Variants in MYH11 observed in about 807,000 individuals in gnomAD.
MYH11 encodes myosin-11.
A neutral mutation model predicts 246.6 loss-of-function variants in MYH11; 80 were observed. That is an observed-to-expected ratio of 0.32 (90% CI 0.27 to 0.39). The LOEUF (loss-of-function observed/expected upper bound fraction) is 0.39, where lower values mean the gene tolerates loss of function less well. Ranked by LOEUF, MYH11 falls within the 10% of genes least tolerant of loss-of-function variation. The pLI, the probability that MYH11 is intolerant of heterozygous loss-of-function variation, is 1.00. For missense variants in MYH11, 2,158 were observed against 2,546.8 expected, an observed-to-expected ratio of 0.85 and a Z score of 3.29; for synonymous variants, 1,071 against 1,015.5, an observed-to-expected ratio of 1.05 and a Z score of -1.04.
chr16:15,792,594 T>TGG (rs1395693928), intron 4 of MYH11: 2 of 151,946 alleles, frequency 1.3e-5, no homozygotes, highest in African/African-American at 4.8e-5. Context: ...CGTAAACAAG[T>TGG]GGGTGCGGCT....
intron 37 of MYH11, chr16:15,717,987 C>A: frequency 2.3e-6 from 1 of 425,948 alleles, no homozygotes; most frequent in Non-Finnish European, 4.4e-6. Context: ...CAAGGGCTCA[C>A]TGGATAAGGT....
intron 40 of MYH11, among the ~76,000 whole-genome samples, chr16:15,706,520 C>T (rs1413491500): frequency 1.3e-5 from 2 of 152,044 alleles, no homozygotes; most frequent in Non-Finnish European, 2.9e-5. Flanking sequence ...CCATCCTGGC[C>T]AATATGGTGA....
chr16:15,817,263 G>A (rs937391036), intron 3 of MYH11, among the ~76,000 whole-genome samples: 11 of 152,180 alleles, frequency 7.2e-5, no homozygotes, highest in South Asian at 2.1e-4. Flanking sequence ...AGGTTGAGGC[G>A]GGCAGATCAC....
At chr16:15,761,602 G>A (rs983167775) in intron 10 of MYH11, among the ~76,000 whole-genome samples, 2 of 151,496 alleles carry the variant, frequency 1.3e-5, no homozygotes, top group South Asian at 2.1e-4. Flanking sequence ...CCTGTCGCCC[G>A]GGCTGAAGTG....
chr16:15,771,724 G>A lies in MYH11; in HGVS notation c.890-12C>T. ...CAAAAGCAAGTCACCTAGAAGGAGA[G>A]GAAGACAGGTCAGGGTCAATAAGAC... On this transcript the variant is annotated splice_polypyrimidine_tract_variant and intron_variant, in intron 8 of 40. Transcript: ENST00000300036. 1.2e-6 allele frequency: 2 copies of A among 1,614,132 alleles called. No individual in the cohort carries two copies. The highest frequency in any genetic ancestry group is 1.7e-6 in the Non-Finnish European group (2 of 1,180,000).
Position 15,717,921 on chromosome 16 carries a change from C to T in MYH11, c.5295+394G>A, listed in dbSNP as rs2040251158. Reference sequence around the variant, plus strand: ...GTTCACCCTACACCACAAGGGGCTGCAGGTTACTGGATGGTCCCTAGTGCC... The same window carrying T: ...GTTCACCCTACACCACAAGGGGCTGTAGGTTACTGGATGGTCCCTAGTGCC... On this transcript the variant is annotated intron_variant, in intron 37 of 40. Transcript: ENST00000300036. 4 of 328,270 alleles carry T rather than the reference C, an allele frequency of 1.2e-5. No homozygotes were observed. In the South Asian group the frequency reaches 1.2e-4, roughly 10 times the overall value. The allele number at this position is 328,270 out of a possible 1,614,324, so 20.3% of individuals were successfully genotyped here. A position where few individuals can be genotyped will look rare whatever the true frequency, so the allele number is the denominator to read the frequency against.
chr16:15,719,268 A>C lies in MYH11; in HGVS notation c.5123T>G (p.Leu1708Arg). ...CTCCTCTGCCAGTTCCTCCTTCTCGAGGTCCGCTTGTTTGCGAGCCCTCTC... is the reference window on the plus strand; with the variant it reads ...CTCCTCTGCCAGTTCCTCCTTCTCGCGGTCCGCTTGTTTGCGAGCCCTCTC... Reference protein sequence around the residue: ...AAERARKQADLEKEELAEELA... With the variant: ...AAERARKQADREKEELAEELA... The change falls in exon 36 of 41, where the codon CTC (leucine) becomes CGC (arginine). Residue 1708 changes from leucine (L) to arginine (R), a missense_variant. This residue lies in a region of MYH11 where 1,013 missense variants were observed against 993.5 expected (regional missense o/e 1.02). Coordinates refer to ENST00000300036, the MANE Select transcript of MYH11 (RefSeq NM_002474.3). 1 of 1,613,178 alleles carries C rather than the reference A, an allele frequency of 6.2e-7. No individual in the cohort carries two copies. The highest frequency in any genetic ancestry group is 8.5e-7 in the Non-Finnish European group (1 of 1,180,002).
intron 4 of MYH11, among the ~76,000 whole-genome samples, chr16:15,795,206 T>C (rs1334957271): frequency 6.6e-6 from 1 of 151,948 alleles, no homozygotes; most frequent in South Asian, 2.1e-4. Flanking sequence ...GGCAGGAGAA[T>C]TGCTTGAACC....
chr16:15,715,078 C>G lies in MYH11; in HGVS notation c.5617G>C (p.Glu1873Gln), dbSNP rs2040046772. The G allele has an allele frequency of 6.2e-7, 1 of 1,612,932 alleles. No individual in the cohort carries two copies. Among genetic ancestry groups the G allele is most frequent in the African/African-American group, 1.3e-5 (1 of 74,990 alleles). ...TGCTTGACCCTGGCATTGCCTTTCT[C>G]TGCCTGTCGCGGAGAGTTGGAGGGG... ...KMAEQYKEQA[E>Q]KGNARVKQLK... is the part of the protein sequence containing the mutation. The change falls in exon 40 of 41, where the codon GAG becomes CAG. Residue 1873 changes from glutamate to glutamine, a missense_variant. This residue lies in a region of MYH11 where 1,013 missense variants were observed against 993.5 expected (regional missense o/e 1.02). Coordinates refer to ENST00000300036, the MANE Select transcript of MYH11 (RefSeq NM_002474.3).
intron 20 of MYH11, chr16:15,742,316 A>C (rs1278872248): frequency 3.1e-5 from 8 of 260,002 alleles, no homozygotes; most frequent in Non-Finnish European, 6.0e-5. Context: ...AAAATCTTTC[A>C]TATCCCACCC....
intron 15 of MYH11, among the ~76,000 whole-genome samples, chr16:15,751,609 CTTTTTTT>C (rs34772774): frequency 8.6e-6 from 1 of 116,338 alleles, no homozygotes. Context: ...GTGTAACAAT[CTTTTTTT>C]TTTTTTTTTT....
At chr16:15,785,008 ATTTTTTTT>A (rs398028825) in intron 5 of MYH11, 2 of 97,934 alleles carry the variant, frequency 2.0e-5, no homozygotes, top group Non-Finnish European at 3.5e-5. Context: ...AATTCTCTTG[ATTTTTTTT>A]TTTTTTTTTT....
chr16:15,769,787 C>G (rs2151289447), intron 9 of MYH11, among the ~76,000 whole-genome samples: 1 of 152,204 alleles, frequency 6.6e-6, no homozygotes, highest in East Asian at 1.9e-4. Flanking sequence ...TTAATAAACC[C>G]TCTATTAATC....
chr16:15,737,457 G>A lies in MYH11; in HGVS notation c.3285C>T (p.Ala1095=), dbSNP rs142294635. The change falls in exon 25 of 41, where the codon GCC becomes GCT. Residue 1095 remains alanine (A), a synonymous_variant. Transcript: ENST00000300036. ...CTTGCCAGCCCCGCTACCTGGCCAG[G>A]GCCGCCTGCAGCTCCTCCTCCTTCT... The part of the protein sequence containing the change: ...LAKKEEELQA[A]LARLDDEIAQ... The A allele has an allele frequency of 5.1e-5, 83 of 1,612,504 alleles. No homozygotes were observed. In the South Asian group the frequency reaches 8.7e-4, roughly 17 times the overall value.
rs780623648 is a variant in MYH11, at chr16:15,758,000, C to T, written c.1402G>A (p.Val468Met). ...LDIAGFEIFE[V>M]NSFEQLCINY... ...ATGCACAGCTGCTCGAAGGAGTTCA[C>T]CTGAGCACATGGCGTGGGGGCGGGG... Residue 468 changes from valine (V) to methionine (M), a missense_variant and splice_region_variant, in exon 13 of 41, where the codon GTG (valine) becomes ATG (methionine). By Grantham distance (21) the Val-to-Met change is conservative (BLOSUM62 1). Around this residue, in one of 11 missense-constraint regions of MYH11, gnomAD observed 317 missense variants for 507.7 expected, o/e 0.62. Coordinates refer to ENST00000300036, the MANE Select transcript of MYH11 (RefSeq NM_002474.3). The T allele has an allele frequency of 1.9e-5, 31 of 1,613,666 alleles. No homozygotes were observed. The highest frequency in any genetic ancestry group is 2.7e-5 in the African/African-American group (2 of 74,920).
intron 33 of MYH11, 50 bp downstream of exon 33, chr16:15,720,789 T>A: frequency 6.3e-7 from 1 of 1,585,026 alleles, no homozygotes; most frequent in East Asian, 2.2e-5. Context: ...GTGATAGGAA[T>A]GAAAAAGGCC....
Position 15,771,562 on chromosome 16 carries a change from G to C in MYH11, c.1033+7C>G, listed in dbSNP as rs759717214. 2 of 1,613,282 alleles carry C rather than the reference G, an allele frequency of 1.2e-6. No individual in the cohort carries two copies. Among genetic ancestry groups the C allele is most frequent in the South Asian group, 2.2e-5 (2 of 91,052 alleles). ...GCTACCCTCCAGACTCAAGGTGTGA[G>C]GCTTACATAGCTGCTCCTCCTCGCT... On this transcript the variant is annotated splice_region_variant and intron_variant, in intron 9 of 40. Coordinates refer to ENST00000300036, the MANE Select transcript of MYH11 (RefSeq NM_002474.3).
At chr16:15,772,334 C>T (rs2042123016) in intron 8 of MYH11, among the ~76,000 whole-genome samples, 1 of 152,034 alleles carries the variant, frequency 6.6e-6, no homozygotes, top group South Asian at 2.1e-4. Context: ...TCAGGTGATC[C>T]ACCCACCTTG....
rs747848745 is a variant in MYH11, at chr16:15,726,965, C to G, written c.3741G>C (p.Lys1247Asn). 6.2e-7 allele frequency: 1 copy of G among 1,613,592 alleles called. No individual in the cohort carries two copies. The highest frequency in any genetic ancestry group is 2.2e-5 in the East Asian group (1 of 44,846). Residue 1247 changes from lysine (K) to asparagine (N), a missense_variant, in exon 28 of 41, where the codon AAG becomes AAC. Lys to Asn is a moderately conservative substitution (Grantham distance 94). This residue lies in a region of MYH11 where 1,013 missense variants were observed against 993.5 expected (regional missense o/e 1.02). Coordinates refer to ENST00000300036, the MANE Select transcript of MYH11 (RefSeq NM_002474.3). The part of the protein sequence containing the change: ...AGELRVLGQA[K>N]QEVEHKKKKL... The stretch of plus-strand genomic sequence containing the variant: ...TCTTCTTCTTATGTTCCACCTCCTG[C>G]TTGGCCTGGCCCAGGACCCGCAGCT...
Sources: gnomAD v4.1 joint callset for allele counts (sites outside exome capture counted in the v4.1 genomes callset) on GRCh38, gnomAD v4.1.1 for gene constraint, gnomAD v4.1.1 regional missense constraint, MANE v1.5 for transcripts, NCBI Gene and HGNC (gene_info 2026-07-23, HGNC 2026-07-21) for gene names.